DSCAM: variants seen among roughly 807,000 people sequenced by gnomAD.
DSCAM encodes the protein DS cell adhesion molecule.
A neutral mutation model predicts 217.7 loss-of-function variants in DSCAM; 47 were observed. The observed-to-expected ratio is 0.22, with a 90% CI of 0.17 to 0.28. The LOEUF (loss-of-function observed/expected upper bound fraction) is 0.28. Ranked by LOEUF, DSCAM falls within the 10% of genes least tolerant of loss-of-function variation. The probability of loss-of-function intolerance (pLI) is 1.00; values close to 1 mark genes in which losing one functional copy is unlikely to be tolerated. For missense variants in DSCAM, 2,080 were observed against 2,618.3 expected, an observed-to-expected ratio of 0.79 and a Z score of 4.49; for synonymous variants, 1,056 against 1,015.3, an observed-to-expected ratio of 1.04 and a Z score of -0.76.
intron 10 of DSCAM, among the ~76,000 whole-genome samples, chr21:40,281,230 A>G (rs2073755774): frequency 6.6e-6 from 1 of 152,218 alleles, no homozygotes; most frequent in Admixed American, 6.5e-5. Context: ...TAACTTGTAA[A>G]ATGGAAATAA....
chr21:40,642,818 G>A (rs111762531), intron 3 of DSCAM, among the ~76,000 whole-genome samples: 4,607 of 152,218 alleles, frequency 0.03, 199 homozygotes, highest in African/African-American at 0.094. Context: ...TTGAACTCCT[G>A]AGTTCAAGCA....
intron 14 of DSCAM, among the ~76,000 whole-genome samples, chr21:40,182,006 A>G (rs999127661): frequency 1.3e-5 from 2 of 152,120 alleles, no homozygotes; most frequent in Non-Finnish European, 2.9e-5. Context: ...GACAGGAGCC[A>G]GTGAGACTGC....
intron 28 of DSCAM, among the ~76,000 whole-genome samples, chr21:40,059,370 A>AT (rs562450423): frequency 9.1e-4 from 138 of 152,356 alleles, no homozygotes; most frequent in African/African-American, 3.2e-3. Flanking sequence ...AAAATCTTAC[A>AT]TAAAAATATA....
At chr21:40,663,264 GTGT>G (rs2090160793) in intron 3 of DSCAM, among the ~76,000 whole-genome samples, 1 of 80,950 alleles carries the variant, frequency 1.2e-5, no homozygotes, top group South Asian at 5.4e-4. Flanking sequence ...CAAAGTGTGT[GTGT>G]GGGGGGGGTG....
chr21:40,603,822 A>G (rs1165024600), intron 3 of DSCAM, among the ~76,000 whole-genome samples: 1 of 151,758 alleles, frequency 6.6e-6, no homozygotes, highest in African/African-American at 2.4e-5. Context: ...TTGTCTCTCT[A>G]CAGGTAAGGT....
At chr21:40,671,857 C>A (rs1311930404) in intron 3 of DSCAM, among the ~76,000 whole-genome samples, 1 of 152,110 alleles carries the variant, frequency 6.6e-6, no homozygotes, top group Non-Finnish European at 1.5e-5. Context: ...CACAGTCAGA[C>A]AGAAGAGCAG....
At chr21:40,292,060 A>AT (rs11334007) in intron 10 of DSCAM, among the ~76,000 whole-genome samples, 48 of 149,634 alleles carry the variant, frequency 3.2e-4, no homozygotes, top group Non-Finnish European at 5.9e-4. Flanking sequence ...TGAAGCCCTG[A>AT]TTTTTTTTTT....
chr21:40,814,283 AC>A lies in DSCAM; in HGVS notation c.43+32335del, dbSNP rs1301954300. Among the ~76,000 whole-genome samples the A allele has an allele frequency of 7.9e-5, 12 of 152,316 alleles. No individual in the cohort carries two copies. The East Asian group carries it at 2.3e-3, about 29-fold the overall frequency. Reference sequence around the variant, plus strand: ...TCTGGCTCTGCACAGGTCCAGTTGCACTTTTTGTAACTCTTTTAGTGACATT... The same window carrying A: ...TCTGGCTCTGCACAGGTCCAGTTGCATTTTTGTAACTCTTTTAGTGACATT... On this transcript the variant is annotated intron_variant, in intron 1 of 32. Coordinates refer to ENST00000400454, the MANE Select transcript of DSCAM (RefSeq NM_001389.5).
intron 3 of DSCAM, among the ~76,000 whole-genome samples, chr21:40,546,527 A>C (rs764497649): frequency 5.9e-5 from 9 of 152,190 alleles, no homozygotes; most frequent in Non-Finnish European, 1.2e-4. Flanking sequence ...GGGGGTGACA[A>C]TACCTATGCC....
chr21:40,243,914 G>A lies in DSCAM; in HGVS notation c.2356+32183C>T, dbSNP rs551444322. On this transcript the variant is annotated intron_variant, in intron 11 of 32. Coordinates refer to ENST00000400454, the MANE Select transcript of DSCAM (RefSeq NM_001389.5). Reference sequence around the variant, plus strand: ...AGAGGGAGGGACCTCTGACGGTGACGGGGTCATTTCCCATCTGTGATGTTC... The same window carrying A: ...AGAGGGAGGGACCTCTGACGGTGACAGGGTCATTTCCCATCTGTGATGTTC... 4.9e-4 allele frequency among the ~76,000 whole-genome samples: 75 copies of A among 152,246 alleles called. 1 individual carries two copies. The South Asian group carries it at 9.3e-3, about 19-fold the overall frequency.
At chr21:40,073,190 A>G (rs1382939968) in intron 27 of DSCAM, among the ~76,000 whole-genome samples, 1 of 152,222 alleles carries the variant, frequency 6.6e-6, no homozygotes, top group Admixed American at 6.5e-5. Flanking sequence ...GAAAAATAAA[A>G]TAGTAGCTGA....
chr21:40,679,791 A>G (rs9975590), intron 3 of DSCAM, among the ~76,000 whole-genome samples: 38,735 of 152,190 alleles, frequency 0.25, 6,032 homozygotes, highest in Admixed American at 0.42. Flanking sequence ...TATTAGTTCA[A>G]TAGCATTCTA....
chr21:40,774,111 T>C (rs1387791269), intron 1 of DSCAM, among the ~76,000 whole-genome samples: 1 of 152,234 alleles, frequency 6.6e-6, no homozygotes, highest in Non-Finnish European at 1.5e-5. Context: ...AAGACAACAG[T>C]GCTTTGCACA....
chr21:40,129,248 G>A (rs936640883), intron 19 of DSCAM, among the ~76,000 whole-genome samples: 9 of 152,264 alleles, frequency 5.9e-5, no homozygotes, highest in African/African-American at 1.2e-4. Context: ...CAGATGCTAC[G>A]ATCCTGGAGG....
chr21:40,111,757 G>A (rs2089902084), intron 20 of DSCAM, among the ~76,000 whole-genome samples: 1 of 152,050 alleles, frequency 6.6e-6, no homozygotes, highest in Non-Finnish European at 1.5e-5. Flanking sequence ...AAAGGCAGGG[G>A]TTGCAATCCC....
intron 1 of DSCAM, among the ~76,000 whole-genome samples, chr21:40,739,229 C>A (rs912084759): frequency 2.2e-5 from 3 of 134,812 alleles, no homozygotes; most frequent in Non-Finnish European, 4.7e-5. Flanking sequence ...ATGGCAGGAG[C>A]ACTGTCTGCA....
intron 1 of DSCAM, among the ~76,000 whole-genome samples, chr21:40,756,070 C>T (rs2091272822): frequency 6.6e-6 from 1 of 152,142 alleles, no homozygotes; most frequent in Non-Finnish European, 1.5e-5. Flanking sequence ...AATGTCATTT[C>T]CAATGTTGAA....
At chr21:40,572,073 TGTGTGTGTGTGG>T (rs1294376771) in intron 3 of DSCAM, among the ~76,000 whole-genome samples, 3 of 108,964 alleles carry the variant, frequency 2.8e-5, no homozygotes, top group Non-Finnish European at 5.6e-5. Flanking sequence ...ATACTCAACA[TGTGTGTGTGTGG>T]GTGTGTGTGT....
chr21:40,751,129 C>T (rs563278951), intron 1 of DSCAM, among the ~76,000 whole-genome samples: 1 of 152,232 alleles, frequency 6.6e-6, no homozygotes, highest in African/African-American at 2.4e-5. Context: ...TTGCTGTTTG[C>T]TCTGCCTGAA....
Sources: allele counts gnomAD v4.1 joint callset (sites outside exome capture counted in the v4.1 genomes callset), GRCh38; gene constraint gnomAD v4.1.1; transcripts MANE v1.5; gene names NCBI Gene and HGNC (gene_info 2026-07-23, HGNC 2026-07-21).